The following WDR70 variants were observed in gnomAD, a reference collection of about 807,000 sequenced individuals.
The protein encoded by WDR70 is WD repeat domain 70, also known as WD repeat-containing protein 70.
WDR70 carries 53 observed loss-of-function variants against 88.6 expected under a neutral mutation model. That is an observed-to-expected ratio of 0.60 (90% CI 0.48 to 0.75). The LOEUF (loss-of-function observed/expected upper bound fraction) is 0.75, where lower values mean the gene tolerates loss of function less well. Among genes scored for constraint, WDR70 ranks in the 30% least tolerant of loss-of-function variants. The pLI is 0.00. For synonymous variants in WDR70, 280 were observed against 270.0 expected, an observed-to-expected ratio of 1.04 and a Z score of -0.36; for missense variants, 610 against 823.2, an observed-to-expected ratio of 0.74 and a Z score of 3.17.
At chr5:37,627,920 A>G (rs1744711917) in intron 10 of WDR70, among the ~76,000 whole-genome samples, 1 of 152,104 alleles carries the variant, frequency 6.6e-6, no homozygotes, top group Non-Finnish European at 1.5e-5. Context: ...AATGTCTTTT[A>G]GGTCTGTGGT....
chr5:37,507,858 T>C (rs370117777), intron 8 of WDR70, among the ~76,000 whole-genome samples: 4 of 152,208 alleles, frequency 2.6e-5, no homozygotes, highest in African/African-American at 9.6e-5. Context: ...ATTGATTTTT[T>C]TGAATGTTGT....
intron 10 of WDR70, among the ~76,000 whole-genome samples, chr5:37,612,781 A>C (rs1372677775): frequency 6.6e-6 from 1 of 152,204 alleles, no homozygotes; most frequent in South Asian, 2.1e-4. Flanking sequence ...TCAATAAGTA[A>C]CAATGCTATG....
intron 10 of WDR70, among the ~76,000 whole-genome samples, chr5:37,666,131 G>A (rs982599168): frequency 1.3e-5 from 2 of 152,336 alleles, no homozygotes; most frequent in East Asian, 3.9e-4. Flanking sequence ...TTTCCCTCCC[G>A]TCTAGGCAGG....
rs60155883 is a variant in WDR70, at chr5:37,461,481, T to C, written c.686+18109T>C. On this transcript the variant is annotated intron_variant, in intron 7 of 17. Transcript: ENST00000265107. ...TGTGATGGATGCTATAGTTTTGTTGTTGTAAACTGTGCAACAGAGTGAGAC... is the reference window on the plus strand; with the variant it reads ...TGTGATGGATGCTATAGTTTTGTTGCTGTAAACTGTGCAACAGAGTGAGAC... Among the ~76,000 whole-genome samples the C allele has an allele frequency of 8.8e-3, 1,329 of 151,818 alleles. 25 individuals carry two copies. The highest frequency in any genetic ancestry group is 0.03 in the African/African-American group (1,258 of 41,418).
intron 10 of WDR70, among the ~76,000 whole-genome samples, chr5:37,653,972 T>G (rs762949526): frequency 1.2e-4 from 19 of 152,172 alleles, no homozygotes; most frequent in Admixed American, 6.5e-5. Flanking sequence ...TAGTTATTTC[T>G]GGTCTTCTGG....
intron 5 of WDR70, among the ~76,000 whole-genome samples, chr5:37,398,342 C>A (rs1419875217): frequency 6.6e-6 from 1 of 151,516 alleles, no homozygotes; most frequent in East Asian, 2.0e-4. Flanking sequence ...CCCGCCTCGG[C>A]CTCCCAAAGT....
intron 9 of WDR70, among the ~76,000 whole-genome samples, chr5:37,593,314 C>T (rs1053084927): frequency 6.6e-6 from 1 of 152,140 alleles, no homozygotes; most frequent in East Asian, 1.9e-4. Flanking sequence ...CCCTGCTCCC[C>T]ACCCCTCAAC....
chr5:37,554,637 G>C (rs1356301304), intron 9 of WDR70, among the ~76,000 whole-genome samples: 1 of 148,584 alleles, frequency 6.7e-6, no homozygotes, highest in Non-Finnish European at 1.5e-5. Context: ...TAGGCTAACA[G>C]ACACACACAC....
chr5:37,711,598 C>G (rs1215910239), intron 13 of WDR70, among the ~76,000 whole-genome samples: 2 of 152,142 alleles, frequency 1.3e-5, no homozygotes, highest in Non-Finnish European at 2.9e-5. Flanking sequence ...GGGAACCAAA[C>G]TTAGTCTTTT....
intron 9 of WDR70, among the ~76,000 whole-genome samples, chr5:37,591,892 A>G (rs1179481020): frequency 6.6e-6 from 1 of 152,250 alleles, no homozygotes; most frequent in African/African-American, 2.4e-5. Flanking sequence ...AAATCAGACA[A>G]TATAATGCAC....
chr5:37,709,195 G>GA (rs1181301248), intron 13 of WDR70, among the ~76,000 whole-genome samples: 3 of 152,146 alleles, frequency 2.0e-5, no homozygotes, highest in African/African-American at 7.2e-5. Context: ...CAAGGAGATG[G>GA]AAAAAATGGG....
intron 5 of WDR70, among the ~76,000 whole-genome samples, chr5:37,412,850 G>T (rs912008273): frequency 2.0e-5 from 3 of 152,144 alleles, no homozygotes; most frequent in African/African-American, 7.2e-5. Flanking sequence ...TAGTTCCCAG[G>T]AGTTGATGTA....
At chr5:37,618,728 T>C (rs1342449994) in intron 10 of WDR70, among the ~76,000 whole-genome samples, 1 of 152,158 alleles carries the variant, frequency 6.6e-6, no homozygotes, top group Non-Finnish European at 1.5e-5. Flanking sequence ...TGGATACTCT[T>C]CTGAGGTTAA....
At chr5:37,720,979 A>G (rs780822888) in intron 13 of WDR70, 136 bp from the exon 14 acceptor site, 7 of 726,908 alleles carry the variant, frequency 9.6e-6, no homozygotes, top group Non-Finnish European at 1.6e-5. Context: ...TTATGGTTTA[A>G]AAGAAAATGT....
intron 7 of WDR70, among the ~76,000 whole-genome samples, chr5:37,457,715 C>G (rs1738885631): frequency 6.6e-6 from 1 of 152,028 alleles, no homozygotes; most frequent in Non-Finnish European, 1.5e-5. Flanking sequence ...TAAAAAAATT[C>G]CACAGCTATA....
At chr5:37,625,176 T>A (rs1235799676) in intron 10 of WDR70, among the ~76,000 whole-genome samples, 3 of 152,152 alleles carry the variant, frequency 2.0e-5, no homozygotes, top group African/African-American at 7.2e-5. Context: ...GGATATTGTT[T>A]TCTGAGCCCT....
intron 15 of WDR70, chr5:37,724,335 A>G (rs1747907351): frequency 6.6e-6 from 1 of 152,148 alleles, no homozygotes; most frequent in Non-Finnish European, 1.5e-5. Context: ...TTATTTTGCT[A>G]CCATATAGCA....
At chr5:37,496,149 TA>T (rs1740208428) in intron 8 of WDR70, among the ~76,000 whole-genome samples, 1 of 152,152 alleles carries the variant, frequency 6.6e-6, no homozygotes, top group African/African-American at 2.4e-5. Context: ...CAGCACTCTG[TA>T]AAAATGGACC....
At chr5:37,669,408 A>AAAC (rs1745957466) in intron 10 of WDR70, among the ~76,000 whole-genome samples, 1 of 151,842 alleles carries the variant, frequency 6.6e-6, no homozygotes, top group Non-Finnish European at 1.5e-5. Flanking sequence ...TTTAAAAAAA[A>AAAC]AAAAACATTT....
Sources: allele counts gnomAD v4.1 joint callset (sites outside exome capture counted in the v4.1 genomes callset), GRCh38; gene constraint gnomAD v4.1.1; transcripts MANE v1.5; gene names NCBI Gene and HGNC (gene_info 2026-07-23, HGNC 2026-07-21).